The following TPH2 variants were observed in gnomAD, a reference collection of about 807,000 sequenced individuals.
TPH2 encodes tryptophan 5-hydroxylase 2.
TPH2 carries 27 observed loss-of-function variants against 59.1 expected under a neutral mutation model. The observed-to-expected ratio is 0.46, with a 90% confidence interval of 0.34 to 0.63. TPH2 has a LOEUF of 0.63. Ranked by LOEUF, TPH2 falls within the 30% of genes least tolerant of loss-of-function variation. TPH2 has a pLI of 0.01. For synonymous variants in TPH2, 220 were observed against 210.5 expected (o/e 1.05, Z -0.39); for missense variants, 523 against 588.3 (o/e 0.89, Z 1.15).
Position 71,961,049 on chromosome 12 carries a change from T to C in TPH2, c.608+11394T>C, listed in dbSNP as rs564531054. On this transcript the variant is annotated intron_variant, in intron 5 of 10. Transcript: ENST00000333850. ...GATCCTCACGATGTGAGAAGTCTTA[T>C]TTCCCTCAGTTTCGAATGAGGAAAC... 2.6e-5 allele frequency among the ~76,000 whole-genome samples: 4 copies of C among 152,330 alleles called. No individual in the cohort carries two copies. The East Asian group carries it at 7.7e-4, about 29-fold the overall frequency.
intron 8 of TPH2, among the ~76,000 whole-genome samples, chr12:72,008,178 G>C (rs1366205320): frequency 6.6e-6 from 1 of 152,182 alleles, no homozygotes; most frequent in African/African-American, 2.4e-5. Flanking sequence ...TTCCTGAGGG[G>C]AGGCTTCTCT....
rs927794377 is a variant in TPH2, at chr12:72,021,582, A to G, written c.1069-817A>G. On this transcript the variant is annotated intron_variant, in intron 8 of 10. Transcript: ENST00000333850. ...GCTTTGTGTTAGATGATTTTGCTCA[A>G]CTGTAGACTAATGTAAGTGTTCTGA... Among the ~76,000 whole-genome samples, 188 of 152,094 alleles carry G rather than the reference A, an allele frequency of 1.2e-3. 3 individuals are homozygous for G. Among genetic ancestry groups the G allele is most frequent in the Non-Finnish European group, 3.4e-4 (23 of 68,018 alleles).
intron 6 of TPH2, among the ~76,000 whole-genome samples, chr12:71,977,141 T>TC (rs1198261754): frequency 2.4e-4 from 37 of 152,190 alleles, no homozygotes; most frequent in Non-Finnish European, 3.2e-4. Flanking sequence ...AACCTCCACC[T>TC]CCTAGGCTCA....
At chr12:71,987,697 A>G (rs1453074761) in intron 7 of TPH2, among the ~76,000 whole-genome samples, 1 of 152,034 alleles carries the variant, frequency 6.6e-6, no homozygotes, top group Non-Finnish European at 1.5e-5. Context: ...TAAAAATACA[A>G]AAAAATTAGC....
intron 6 of TPH2, among the ~76,000 whole-genome samples, chr12:71,974,866 C>T (rs1283394426): frequency 1.3e-5 from 2 of 152,162 alleles, no homozygotes; most frequent in African/African-American, 4.8e-5. Context: ...ATAGATGTTA[C>T]TTTCTAAAAT....
chr12:71,967,452 G>A (rs958093592), intron 5 of TPH2, among the ~76,000 whole-genome samples: 1 of 152,076 alleles, frequency 6.6e-6, no homozygotes, highest in African/African-American at 2.4e-5. Flanking sequence ...TACTGCCGTC[G>A]CTGAACACTG....
intron 1 of TPH2, among the ~76,000 whole-genome samples, chr12:71,941,201 T>A (rs1871053300): frequency 1.3e-5 from 2 of 152,216 alleles, no homozygotes; most frequent in South Asian, 4.1e-4. Flanking sequence ...TAGTAATTAA[T>A]ATAGTTTCCA....
intron 8 of TPH2, among the ~76,000 whole-genome samples, chr12:72,016,439 T>TC (rs780567026): frequency 2.1e-4 from 32 of 152,268 alleles, no homozygotes; most frequent in Non-Finnish European, 4.1e-4. Context: ...CTAAGCTTTG[T>TC]TAGAACTGTG....
rs146092273 is a variant in TPH2 at position 71,979,795 on chromosome 12, G to A, written c.941+708G>A. ...ATTTGGCCTAATCACACGTGGGATT[G>A]TACAGTCTCCAAGTGTGAAATGCCC... is the stretch of plus-strand genomic sequence containing the variant. On this transcript the variant is annotated intron_variant, in intron 7 of 10. Transcript: ENST00000333850. Among the ~76,000 whole-genome samples the A allele has an allele frequency of 2.3e-3, 350 of 152,344 alleles. 3 individuals carry two copies. Among genetic ancestry groups the A allele is most frequent in the African/African-American group, 8.0e-3 (331 of 41,586 alleles).
chr12:72,030,413 G>C (rs1873689232), intron 9 of TPH2, among the ~76,000 whole-genome samples: 1 of 152,008 alleles, frequency 6.6e-6, no homozygotes, highest in Non-Finnish European at 1.5e-5. Context: ...CATCAATCTA[G>C]GGTCTATAAA....
intron 9 of TPH2, among the ~76,000 whole-genome samples, chr12:72,024,769 C>T (rs1873523531): frequency 6.6e-6 from 1 of 152,196 alleles, no homozygotes; most frequent in South Asian, 2.1e-4. Flanking sequence ...TTTGTTCCTA[C>T]TGGTGTGGAC....
chr12:72,031,462 CTA>C (rs992888674), intron 10 of TPH2, 57 bp from the exon 11 acceptor site: 1 of 1,612,312 alleles, frequency 6.2e-7, no homozygotes, highest in Non-Finnish European at 8.5e-7. Flanking sequence ...TTCCTTTTAT[CTA>C]TCCCTCGTAC....
At chr12:71,993,556 C>T (rs146881518) in intron 7 of TPH2, among the ~76,000 whole-genome samples, 1 of 152,286 alleles carries the variant, frequency 6.6e-6, no homozygotes, top group African/African-American at 2.4e-5. Flanking sequence ...GTCTTTTGCT[C>T]ACTTTCCTGG....
At chr12:72,016,696 A>G (rs1592413073) in intron 8 of TPH2, among the ~76,000 whole-genome samples, 1 of 152,148 alleles carries the variant, frequency 6.6e-6, no homozygotes, top group Admixed American at 6.5e-5. Flanking sequence ...TATGCTACCA[A>G]TATGCAAGAT....
chr12:71,966,207 C>A (rs903375630), intron 5 of TPH2, among the ~76,000 whole-genome samples: 1 of 151,644 alleles, frequency 6.6e-6, no homozygotes, highest in African/African-American at 2.4e-5. Context: ...AGACCACTAG[C>A]CTTGATGTTC....
At chr12:71,986,417 A>G (rs1482495354) in intron 7 of TPH2, among the ~76,000 whole-genome samples, 1 of 152,172 alleles carries the variant, frequency 6.6e-6, no homozygotes, top group Non-Finnish European at 1.5e-5. Flanking sequence ...TAAAGCAAAA[A>G]TAACCCCTGA....
At chr12:71,942,442 T>G (rs2139177011) in intron 2 of TPH2, among the ~76,000 whole-genome samples, 1 of 152,230 alleles carries the variant, frequency 6.6e-6, no homozygotes, top group Admixed American at 6.5e-5. Context: ...GCATTTTGTT[T>G]GGGGGCAGTG....
At chr12:71,986,893 GA>G (rs1872452678) in intron 7 of TPH2, among the ~76,000 whole-genome samples, 1 of 152,162 alleles carries the variant, frequency 6.6e-6, no homozygotes, top group African/African-American at 2.4e-5. Flanking sequence ...TGCAAGTTCA[GA>G]AGAAGAAATC....
chr12:71,950,915 G>A (rs1470664207), intron 5 of TPH2, among the ~76,000 whole-genome samples: 1 of 152,046 alleles, frequency 6.6e-6, no homozygotes, highest in African/African-American at 2.4e-5. Flanking sequence ...TGATGCTTAG[G>A]TGCTCTTCCC....
Sources: gnomAD v4.1 joint callset for allele counts (sites outside exome capture counted in the v4.1 genomes callset) on GRCh38, gnomAD v4.1.1 for gene constraint, MANE v1.5 for transcripts, NCBI Gene and HGNC (gene_info 2026-07-23, HGNC 2026-07-21) for gene names.